The following COL19A1 variants were observed in gnomAD, a reference collection of about 807,000 sequenced individuals.
The protein encoded by COL19A1 is collagen type XIX alpha 1 chain.
Under a neutral mutation model 190.2 loss-of-function variants are expected in COL19A1, and 159 were observed. The observed-to-expected ratio is 0.84, with a 90% CI of 0.73 to 0.95. The LOEUF is 0.95. COL19A1 is among the 40% of genes least tolerant of loss of function. The pLI, the probability that COL19A1 is intolerant of heterozygous loss-of-function variation, is 0.00. For missense variants in COL19A1, 1,418 were observed against 1,431.9 expected (o/e 0.99, Z 0.16); for synonymous variants, 509 against 458.9 (o/e 1.11, Z -1.39).
chr6:70,118,719 A>C (rs1320494927), intron 16 of COL19A1, among the ~76,000 whole-genome samples: 2 of 152,216 alleles, frequency 1.3e-5, no homozygotes, highest in African/African-American at 4.8e-5. Context: ...AAAATGTAGA[A>C]GTAATTTTTA....
Position 70,150,401 on chromosome 6 carries a change from T to C in COL19A1, c.2037+356T>C, listed in dbSNP as rs565126198. Among the ~76,000 whole-genome samples the C allele has an allele frequency of 2.0e-5, 3 of 152,290 alleles. No homozygotes were observed. The South Asian group carries it at 6.2e-4, about 32-fold the overall frequency. On this transcript the variant is annotated intron_variant, in intron 30 of 50. Coordinates refer to ENST00000620364, the MANE Select transcript of COL19A1 (RefSeq NM_001858.6). ...GAATTTCATTTTTCTAAATGAAATT[T>C]TGCAGGTAAGTTGCCTACAATATGG...
chr6:70,024,602 TGTGTGTGTGTGTGGGTGTGTGG>T (rs1237708352), intron 12 of COL19A1, among the ~76,000 whole-genome samples: 2 of 150,318 alleles, frequency 1.3e-5, no homozygotes, highest in East Asian at 2.0e-4. Context: ...TGTGTGTGTG[TGTGTGTGTGTGTGGGTGTGTGG>T]GTGTGTGTGT....
chr6:70,083,979 C>CT (rs1010711690), intron 15 of COL19A1, among the ~76,000 whole-genome samples: 2 of 152,038 alleles, frequency 1.3e-5, no homozygotes, highest in Non-Finnish European at 2.9e-5. Context: ...CTCTTTCAAC[C>CT]TTTTTTCCCC....
intron 2 of COL19A1, among the ~76,000 whole-genome samples, chr6:69,888,218 C>T (rs900247666): frequency 1.1e-4 from 17 of 152,016 alleles, no homozygotes; most frequent in African/African-American, 3.9e-4. Flanking sequence ...TTAGAAAACA[C>T]GTATCAAAAT....
At chr6:69,987,741 A>T (rs1776390132) in intron 11 of COL19A1, among the ~76,000 whole-genome samples, 3 of 152,148 alleles carry the variant, frequency 2.0e-5, no homozygotes, top group Non-Finnish European at 2.9e-5. Flanking sequence ...GTTGGTAAGG[A>T]TTCCCTGCCA....
chr6:70,092,692 CA>C (rs1402709227), intron 15 of COL19A1, among the ~76,000 whole-genome samples: 8 of 152,244 alleles, frequency 5.3e-5, no homozygotes, highest in Admixed American at 4.6e-4. Flanking sequence ...TGAATGACTG[CA>C]AAATGTAGTT....
intron 48 of COL19A1, among the ~76,000 whole-genome samples, chr6:70,194,814 C>A (rs905020201): frequency 3.9e-5 from 6 of 152,114 alleles, no homozygotes; most frequent in African/African-American, 1.4e-4. Flanking sequence ...TTGAGTCAAA[C>A]ATGGGACCAA....
At chr6:70,080,231 C>G (rs1421236508) in intron 15 of COL19A1, among the ~76,000 whole-genome samples, 4 of 152,016 alleles carry the variant, frequency 2.6e-5, no homozygotes, top group Admixed American at 2.6e-4. Flanking sequence ...TGTTTTCAGG[C>G]CAATAGATAC....
At chr6:69,991,284 C>T (rs551653456) in intron 11 of COL19A1, among the ~76,000 whole-genome samples, 4 of 152,108 alleles carry the variant, frequency 2.6e-5, no homozygotes, top group Middle Eastern at 3.4e-3. Context: ...TTTCTTTATC[C>T]AGTCCACTTG....
At chr6:70,136,385 A>C (rs996511265) in intron 18 of COL19A1, among the ~76,000 whole-genome samples, 2 of 152,192 alleles carry the variant, frequency 1.3e-5, no homozygotes, top group African/African-American at 4.8e-5. Context: ...GATTACAATC[A>C]AAGTGCCCAT....
intron 11 of COL19A1, among the ~76,000 whole-genome samples, chr6:69,965,714 C>G (rs1775051170): frequency 6.6e-6 from 1 of 152,190 alleles, no homozygotes; most frequent in South Asian, 2.1e-4. Context: ...TGACATGACT[C>G]TCTCAGATGA....
At chr6:70,149,664 C>A (rs771948675) in intron 27 of COL19A1, 40 bp from the exon 28 acceptor site, 1 of 1,608,136 alleles carries the variant, frequency 6.2e-7, no homozygotes, top group Non-Finnish European at 8.5e-7. Flanking sequence ...TATGGACATT[C>A]TTGGTGGAAT....
chr6:69,940,299 A>G lies in COL19A1; in HGVS notation c.936+2199A>G, dbSNP rs528791415. Among the ~76,000 whole-genome samples, 3 of 152,142 alleles carry G rather than the reference A, an allele frequency of 2.0e-5. No individual in the cohort carries two copies. The East Asian group carries it at 5.8e-4, about 29-fold the overall frequency. On this transcript the variant is annotated intron_variant, in intron 9 of 50. Transcript: ENST00000620364. ...TTTTTCTTTATTCATTCATCCATCA[A>G]CACCTATTTATTGAGCTCCTGCTAT... is the stretch of plus-strand genomic sequence containing the variant.
At chr6:69,871,988 T>C (rs1767865808) in intron 1 of COL19A1, among the ~76,000 whole-genome samples, 1 of 152,074 alleles carries the variant, frequency 6.6e-6, no homozygotes, top group South Asian at 2.1e-4. Flanking sequence ...GGCTAATTTT[T>C]GTATTTTTGG....
intron 14 of COL19A1, among the ~76,000 whole-genome samples, chr6:70,044,421 G>A (rs559146101): frequency 5.9e-5 from 9 of 152,176 alleles, no homozygotes; most frequent in South Asian, 4.1e-4. Flanking sequence ...TTCACAACTC[G>A]GCTGTTTGGC....
intron 11 of COL19A1, among the ~76,000 whole-genome samples, chr6:70,004,991 C>T (rs1408501804): frequency 2.0e-5 from 3 of 152,078 alleles, no homozygotes; most frequent in Non-Finnish European, 4.4e-5. Context: ...TGCCACCACA[C>T]CCAGCTAATA....
At chr6:69,971,177 AG>A (rs1315643155) in intron 11 of COL19A1, among the ~76,000 whole-genome samples, 2 of 152,202 alleles carry the variant, frequency 1.3e-5, no homozygotes, top group Non-Finnish European at 2.9e-5. Flanking sequence ...ATAACTATAA[AG>A]GGCTATAATA....
At chr6:69,911,720 C>T (rs936290348) in intron 4 of COL19A1, among the ~76,000 whole-genome samples, 4 of 152,144 alleles carry the variant, frequency 2.6e-5, no homozygotes, top group African/African-American at 7.2e-5. Flanking sequence ...AGGTTAACCC[C>T]TTCACTTGTG....
intron 4 of COL19A1, among the ~76,000 whole-genome samples, chr6:69,915,803 A>G (rs997226691): frequency 6.6e-6 from 1 of 152,130 alleles, no homozygotes; most frequent in African/African-American, 2.4e-5. Context: ...ATTACTTTTC[A>G]TTAGGAAAAT....
Sources: allele counts gnomAD v4.1 joint callset (sites outside exome capture counted in the v4.1 genomes callset), GRCh38; gene constraint gnomAD v4.1.1; transcripts MANE v1.5; gene names NCBI Gene and HGNC (gene_info 2026-07-23, HGNC 2026-07-21).